The following SATL1 variants were observed in gnomAD, a reference collection of about 807,000 sequenced individuals.
SATL1 encodes the protein spermidine/spermine N1-acetyl transferase like 1.
Under a neutral mutation model 51.8 loss-of-function variants are expected in SATL1, and 47 were observed. The ratio of observed to expected loss-of-function variants is 0.91; its 90% CI spans 0.72 to 1.16. The LOEUF (loss-of-function observed/expected upper bound fraction) is 1.16. Among genes scored for constraint, SATL1 ranks in the 50% most tolerant of loss-of-function variants. The pLI is 0.00. For missense variants in SATL1, 520 were observed against 526.4 expected, an observed-to-expected ratio of 0.99 and a Z score of 0.12; for synonymous variants, 176 against 182.4, an observed-to-expected ratio of 0.97 and a Z score of 0.28.
Position 85,124,044 on chromosome X carries a change from T to C in SATL1, c.-312-14764A>G, listed in dbSNP as rs1228847537. Among the ~76,000 whole-genome samples the C allele has an allele frequency of 2.7e-5, 3 of 111,831 alleles. No homozygotes were observed. The East Asian group carries it at 8.4e-4, about 31-fold the overall frequency. On this transcript the variant is annotated intron_variant, in intron 2 of 7. Coordinates refer to ENST00000644105, the MANE Select transcript of SATL1 (RefSeq NM_001367857.2). ...ATTATGAAAAATAAAATAATTGTTTTAAAAAGTCAAGGACTGTGTTATTGA... is the reference window on the plus strand; with the variant it reads ...ATTATGAAAAATAAAATAATTGTTTCAAAAAGTCAAGGACTGTGTTATTGA...
At chrX:85,233,212 G>A (rs1034726327) in intron 1 of SATL1, among the ~76,000 whole-genome samples, 21 of 112,123 alleles carry the variant, frequency 1.9e-4, no homozygotes, top group African/African-American at 6.5e-4. Flanking sequence ...TAGAACCACA[G>A]TGTTAGTGGT....
At chrX:85,132,225 A>G (rs933793558) in intron 2 of SATL1, among the ~76,000 whole-genome samples, 2 of 111,836 alleles carry the variant, frequency 1.8e-5, no homozygotes, top group African/African-American at 6.5e-5. Flanking sequence ...GTTCTCCTGG[A>G]TAATATCCTG....
intron 2 of SATL1, among the ~76,000 whole-genome samples, chrX:85,175,157 T>C (rs1927059291): frequency 9.0e-6 from 1 of 111,617 alleles, no homozygotes; most frequent in Non-Finnish European, 1.9e-5. Flanking sequence ...GTGAAATTTG[T>C]TGGGCCCCTC....
intron 2 of SATL1, among the ~76,000 whole-genome samples, chrX:85,183,208 G>T (rs752286196): frequency 9.1e-6 from 1 of 110,368 alleles, no homozygotes; most frequent in Non-Finnish European, 1.9e-5. Flanking sequence ...TATAGTTTCG[G>T]GTTCTATATT....
chrX:85,197,205 T>G (rs1927584607), intron 2 of SATL1, among the ~76,000 whole-genome samples: 3 of 111,505 alleles, frequency 2.7e-5, no homozygotes, highest in Admixed American at 9.5e-5. Context: ...ATTTCTCTCA[T>G]TTTAATTTTT....
chrX:85,161,265 A>T (rs936596378), intron 2 of SATL1, among the ~76,000 whole-genome samples: 2 of 111,002 alleles, frequency 1.8e-5, no homozygotes, highest in African/African-American at 6.6e-5. Context: ...CTGCATAATA[A>T]CATCTAACAC....
intron 2 of SATL1, among the ~76,000 whole-genome samples, chrX:85,173,720 G>A (rs982046250): frequency 9.1e-6 from 1 of 109,740 alleles, no homozygotes; most frequent in Non-Finnish European, 1.9e-5. Context: ...ACATGCATTT[G>A]ATCTATATGT....
rs371518527 is a variant in SATL1, at chrX:85,124,137, G to A, written c.-312-14857C>T. On this transcript the variant is annotated intron_variant, in intron 2 of 7. Coordinates refer to ENST00000644105, the MANE Select transcript of SATL1 (RefSeq NM_001367857.2). ...ATAGTTGTTTACAATCCAACTTTGT[G>A]ATAATTAGATATTAGAAATTGATGT... 1.2e-4 allele frequency among the ~76,000 whole-genome samples: 13 copies of A among 111,850 alleles called. No homozygotes were observed. The East Asian group carries it at 2.5e-3, about 22-fold the overall frequency.
At chrX:85,208,461 T>C (rs1176517573) in intron 2 of SATL1, among the ~76,000 whole-genome samples, 1 of 111,619 alleles carries the variant, frequency 9.0e-6, no homozygotes, top group African/African-American at 3.3e-5. Context: ...TTCTAGATCC[T>C]TGAGGGATCG....
intron 2 of SATL1, chrX:85,142,671 C>T (rs1165682160): frequency 9.0e-6 from 1 of 111,128 alleles, no homozygotes; most frequent in Non-Finnish European, 1.9e-5. Flanking sequence ...CACACATGGG[C>T]TACAAGGTTA....
At position 85,178,798 on chromosome X, in the gene SATL1, A is replaced by C. The variant is rs1458917916; in HGVS notation, c.-313+45407T>G. Among the ~76,000 whole-genome samples, 5 of 111,423 alleles carry C rather than the reference A, an allele frequency of 4.5e-5. No individual in the cohort carries two copies. The Admixed American group carries it at 4.8e-4, about 11-fold the overall frequency. The stretch of plus-strand genomic sequence containing the variant: ...ACCACCTCACTCACCATGAAAGAAC[A>C]AGAATTATTGGTCTATAGTTCTCAT... On this transcript the variant is annotated intron_variant, in intron 2 of 7. Transcript: ENST00000644105.
chrX:85,189,080 C>T (rs1346894679), intron 2 of SATL1, among the ~76,000 whole-genome samples: 1 of 112,478 alleles, frequency 8.9e-6, no homozygotes, highest in East Asian at 2.8e-4. Flanking sequence ...TTCTTTCATG[C>T]TGCAGATTTT....
At chrX:85,130,174 G>A (rs1925746753) in intron 2 of SATL1, among the ~76,000 whole-genome samples, 1 of 112,047 alleles carries the variant, frequency 8.9e-6, no homozygotes, top group South Asian at 3.7e-4. Flanking sequence ...ATGAGTTAAG[G>A]AGGATTCCCT....
intron 4 of SATL1, among the ~76,000 whole-genome samples, chrX:85,097,418 A>G (rs1924760141): frequency 8.9e-6 from 1 of 112,397 alleles, no homozygotes; most frequent in South Asian, 3.7e-4. Context: ...GCTCACTGCA[A>G]CCTCTGCCTC....
intron 2 of SATL1, among the ~76,000 whole-genome samples, chrX:85,190,994 A>C (rs1019823331): frequency 3.8e-5 from 4 of 105,539 alleles, no homozygotes; most frequent in African/African-American, 1.4e-4. Flanking sequence ...GGGGAGGGAT[A>C]GCATTAGGAG....
intron 2 of SATL1, among the ~76,000 whole-genome samples, chrX:85,182,381 G>A (rs2147740517): frequency 9.0e-6 from 1 of 111,527 alleles, no homozygotes; most frequent in African/African-American, 3.2e-5. Context: ...TTAACATAAT[G>A]TTCTCCAGTT....
chrX:85,159,584 C>T (rs966481338), intron 2 of SATL1, among the ~76,000 whole-genome samples: 2 of 111,662 alleles, frequency 1.8e-5, no homozygotes, highest in Admixed American at 9.5e-5. Flanking sequence ...GATTGGGGAT[C>T]GCTGATCTGA....
At position 85,107,624 on chromosome X, in the gene SATL1, G is replaced by C. The variant is rs374563900; in HGVS notation, c.1345C>G (p.Gln449Glu). Residue 449 changes from glutamine to glutamate, a missense_variant, in exon 3 of 8, where the codon CAA becomes GAA. Around this residue, in one of 3 missense-constraint regions of SATL1, gnomAD observed 488 missense variants for 474.3 expected, o/e 1.03. Transcript: ENST00000644105. The part of the protein sequence containing the change: ...RGMWQPGMSQ[Q>E]VPSQLGMRQP... ...CTCATGCCTAGTTGGCTGGGGACTT[G>C]CTGGCTCATGCCTGGTTGCCACATG... 5.5e-5 allele frequency: 66 copies of C among 1,210,973 alleles called. No homozygotes were observed. Among genetic ancestry groups the C allele is most frequent in the Non-Finnish European group, 7.3e-5 (65 of 895,466 alleles).
intron 2 of SATL1, among the ~76,000 whole-genome samples, chrX:85,168,036 CAT>C (rs1045730471): frequency 2.7e-5 from 3 of 109,363 alleles, no homozygotes; most frequent in Admixed American, 9.8e-5. Context: ...AAAAAAAACA[CAT>C]GATTGTCTCA....
Sources: gnomAD v4.1 joint callset for allele counts (sites outside exome capture counted in the v4.1 genomes callset) on GRCh38, gnomAD v4.1.1 for gene constraint, gnomAD v4.1.1 regional missense constraint, MANE v1.5 for transcripts, NCBI Gene and HGNC (gene_info 2026-07-23, HGNC 2026-07-21) for gene names.